MAP7D2: variants seen among roughly 807,000 people sequenced by gnomAD.
MAP7D2 encodes MAP7 domain-containing protein 2.
MAP7D2 carries 33 observed loss-of-function variants against 63.5 expected under a neutral mutation model. That is an observed-to-expected ratio of 0.52 (90% CI 0.39 to 0.70). MAP7D2 has a LOEUF of 0.70. MAP7D2 is among the 30% of genes least tolerant of loss of function. The probability of loss-of-function intolerance (pLI) is 0.00; values close to 1 mark genes in which losing one functional copy is unlikely to be tolerated. For synonymous variants in MAP7D2, 224 were observed against 223.7 expected, an observed-to-expected ratio of 1.00 and a Z score of -0.01; for missense variants, 626 against 604.0, an observed-to-expected ratio of 1.04 and a Z score of -0.38.
chrX:20,050,934 T>G lies in MAP7D2; in HGVS notation c.608A>C (p.His203Pro). Residue 203 changes from histidine to proline, a missense_variant, in exon 6 of 17, where the codon CAC becomes CCC. Transcript: ENST00000379643. ...AAGAATGGCTTCCATTGGACTAAGG[T>G]GCATGTGATGAGCTGAGGGATGGAA... ...SYSPDRAHHM[H>P]LSPMEAILVS... 8.6e-7 allele frequency: 1 copy of G among 1,156,070 alleles called. No homozygotes were observed. Among genetic ancestry groups the G allele is most frequent in the Non-Finnish European group, 1.2e-6 (1 of 868,995 alleles).
At chrX:20,105,628 G>C (rs1369624539) in intron 1 of MAP7D2, among the ~76,000 whole-genome samples, 1 of 111,601 alleles carries the variant, frequency 9.0e-6, no homozygotes, top group African/African-American at 3.3e-5. Context: ...TCAGCAAGTG[G>C]CTTCTGTGGA....
Sources: allele counts gnomAD v4.1 joint callset (sites outside exome capture counted in the v4.1 genomes callset), GRCh38; gene constraint gnomAD v4.1.1; transcripts MANE v1.5; gene names NCBI Gene and HGNC (gene_info 2026-07-23, HGNC 2026-07-21).